The following OSBPL8 variants were observed in gnomAD, a reference collection of about 807,000 sequenced individuals.
OSBPL8 encodes the protein oxysterol binding protein like 8.
In OSBPL8, 59 loss-of-function variants were observed where a neutral mutation model predicts 125.5. That is an observed-to-expected ratio of 0.47 (90% CI 0.38 to 0.58). OSBPL8 has a LOEUF of 0.58. OSBPL8 is among the 20% of genes least tolerant of loss of function. The pLI, the probability that OSBPL8 is intolerant of heterozygous loss-of-function variation, is 0.00. For missense variants in OSBPL8, 758 were observed against 1,047.8 expected, an observed-to-expected ratio of 0.72 and a Z score of 3.82; for synonymous variants, 330 against 338.9, an observed-to-expected ratio of 0.97 and a Z score of 0.29.
intron 2 of OSBPL8, among the ~76,000 whole-genome samples, chr12:76,482,369 T>A (rs1877595727): frequency 6.6e-6 from 1 of 152,162 alleles, no homozygotes; most frequent in Non-Finnish European, 1.5e-5. Context: ...ATCTCAACAC[T>A]TTGGGAGGCT....
chr12:76,365,294 C>T (rs958852939), intron 21 of OSBPL8, among the ~76,000 whole-genome samples: 1 of 152,146 alleles, frequency 6.6e-6, no homozygotes, highest in Non-Finnish European at 1.5e-5. Flanking sequence ...GTGTCTTTCC[C>T]TTTATTTAGA....
intron 1 of OSBPL8, among the ~76,000 whole-genome samples, chr12:76,513,971 G>A (rs1268736996): frequency 6.6e-6 from 1 of 151,936 alleles, no homozygotes; most frequent in Non-Finnish European, 1.5e-5. Context: ...TTGTTGGCTG[G>A]TTATTATGTT....
At chr12:76,523,404 G>A (rs1435830957) in intron 1 of OSBPL8, among the ~76,000 whole-genome samples, 2 of 152,144 alleles carry the variant, frequency 1.3e-5, no homozygotes, top group African/African-American at 4.8e-5. Flanking sequence ...GGAAAATTTA[G>A]AGCACTTAAA....
At chr12:76,558,766 C>G (rs1951185259) in intron 1 of OSBPL8, among the ~76,000 whole-genome samples, 1 of 152,202 alleles carries the variant, frequency 6.6e-6, no homozygotes, top group South Asian at 2.1e-4. Flanking sequence ...GTGGGTGGTT[C>G]AATGAACCTA....
At chr12:76,487,480 T>G (rs374157640) in intron 2 of OSBPL8, 30 bp downstream of exon 2, 1 of 1,568,372 alleles carries the variant, frequency 6.4e-7, no homozygotes, top group Non-Finnish European at 8.6e-7. Context: ...TTACAGATGA[T>G]AGAACCTATG....
rs1317348002 is a variant in OSBPL8, at chr12:76,354,141, A to G, written c.*1748T>C. 1 of 152,430 alleles carries G rather than the reference A, an allele frequency of 6.6e-6. No individual in the cohort carries two copies. Among genetic ancestry groups the G allele is most frequent in the Non-Finnish European group, 1.5e-5 (1 of 67,836 alleles). 9.4% of individuals were successfully genotyped at this position (152,430 alleles called of 1,614,324 possible). ...ATAGGCAGAGTGTAACAGAATGTGA[A>G]TACAAAAATTATATTGACAAATATA... On this transcript the variant is annotated 3_prime_UTR_variant, in exon 24 of 24. Transcript: ENST00000261183.
intron 5 of OSBPL8, among the ~76,000 whole-genome samples, chr12:76,404,291 AT>A (rs1478800718): frequency 6.6e-6 from 1 of 152,214 alleles, no homozygotes; most frequent in Non-Finnish European, 1.5e-5. Flanking sequence ...TTATTAGGAG[AT>A]TCTACTTCCC....
chr12:76,415,350 C>T (rs1465013954), intron 4 of OSBPL8, among the ~76,000 whole-genome samples: 1 of 151,304 alleles, frequency 6.6e-6, no homozygotes, highest in East Asian at 1.9e-4. Context: ...CGGGTTCAAG[C>T]GATTCTCCTG....
At position 76,353,684 on chromosome 12, in the gene OSBPL8, T is replaced by C. The variant is rs1182487182; in HGVS notation, c.*2205A>G. ...TTAAGCCACCAATTCCTGAGTTTTGTGTTCAGTTCATAGAAAGAGACTCAT... is the reference window on the plus strand; with the variant it reads ...TTAAGCCACCAATTCCTGAGTTTTGCGTTCAGTTCATAGAAAGAGACTCAT... On this transcript the variant is annotated 3_prime_UTR_variant, in exon 24 of 24. Coordinates refer to ENST00000261183, the MANE Select transcript of OSBPL8 (RefSeq NM_020841.5). The C allele has an allele frequency of 6.6e-6, 1 of 152,418 alleles. No homozygotes were observed. Among genetic ancestry groups the C allele is most frequent in the Non-Finnish European group, 1.5e-5 (1 of 67,850 alleles). 9.4% of individuals were successfully genotyped at this position (152,418 alleles called of 1,614,324 possible).
chr12:76,488,483 T>C (rs1290629213), intron 1 of OSBPL8, among the ~76,000 whole-genome samples: 2 of 152,212 alleles, frequency 1.3e-5, no homozygotes, highest in African/African-American at 2.4e-5. Context: ...AGCAAGTAAG[T>C]CTATCGGTAC....
intron 17 of OSBPL8, among the ~76,000 whole-genome samples, chr12:76,374,133 T>C (rs1164608486): frequency 1.3e-5 from 2 of 152,186 alleles, no homozygotes; most frequent in African/African-American, 2.4e-5. Flanking sequence ...CAGAGCAAAA[T>C]TGCTTATCAG....
At chr12:76,385,286 C>A (rs995417041) in intron 14 of OSBPL8, among the ~76,000 whole-genome samples, 1 of 152,090 alleles carries the variant, frequency 6.6e-6, no homozygotes, top group Non-Finnish European at 1.5e-5. Flanking sequence ...GTGAGAATTA[C>A]CATAATAAGG....
chr12:76,529,022 T>C (rs1014098074), intron 1 of OSBPL8, among the ~76,000 whole-genome samples: 1 of 152,138 alleles, frequency 6.6e-6, no homozygotes, highest in Non-Finnish European at 1.5e-5. Context: ...AAAAGCAGTA[T>C]GAAGTTATTA....
At chr12:76,546,545 T>C (rs559885633) in intron 1 of OSBPL8, among the ~76,000 whole-genome samples, 1 of 152,250 alleles carries the variant, frequency 6.6e-6, no homozygotes, top group African/African-American at 2.4e-5. Flanking sequence ...AAAAAAATTG[T>C]ACATATTTAA....
chr12:76,379,783 G>A (rs552104390), intron 15 of OSBPL8, among the ~76,000 whole-genome samples: 1 of 152,250 alleles, frequency 6.6e-6, no homozygotes, highest in Admixed American at 6.5e-5. Context: ...TTTAGTCCTG[G>A]ATTGTTATGA....
intron 21 of OSBPL8, among the ~76,000 whole-genome samples, chr12:76,360,646 A>T (rs1952167040): frequency 6.6e-6 from 1 of 152,190 alleles, no homozygotes; most frequent in African/African-American, 2.4e-5. Context: ...CCCCTGCAGC[A>T]ATCTTTTTCC....
intron 12 of OSBPL8, among the ~76,000 whole-genome samples, chr12:76,387,520 T>G (rs6539038): frequency 0.79 from 120,538 of 152,096 alleles, 48,008 homozygotes; most frequent in East Asian, 0.92. Context: ...CAATTCTGCT[T>G]TTGTTGCAAT....
At chr12:76,415,250 C>CT (rs35128998) in intron 4 of OSBPL8, among the ~76,000 whole-genome samples, 4,138 of 142,978 alleles carry the variant, frequency 0.029, 185 homozygotes, top group African/African-American at 0.097. Context: ...TTTTTCTTTC[C>CT]TTTTTTTTTT....
In OSBPL8 at chr12:76,371,489, G is replaced by A. The variant is rs1350922953; in HGVS notation, c.2013C>T (p.His671=). The A allele has an allele frequency of 2.5e-6, 4 of 1,608,886 alleles. No homozygotes were observed. The highest frequency in any genetic ancestry group is 3.4e-6 in the Non-Finnish European group (4 of 1,177,296). ...PDIKQWRLIR[H]TVKFEEQGDF... ...CTCCCTGTTCTTCAAATTTTACAGT[G>A]TGCCTTATTAATCTCCATTGCTTAA... is the stretch of plus-strand genomic sequence containing the variant. The change falls in exon 19 of 24, where the codon CAC becomes CAT. Residue 671 remains histidine (H), a synonymous_variant. Transcript: ENST00000261183.
Sources: gnomAD v4.1 joint callset for allele counts (sites outside exome capture counted in the v4.1 genomes callset) on GRCh38, gnomAD v4.1.1 for gene constraint, MANE v1.5 for transcripts, NCBI Gene and HGNC (gene_info 2026-07-23, HGNC 2026-07-21) for gene names.